KPNA4: variants seen among roughly 807,000 people sequenced by gnomAD.
The protein encoded by KPNA4 is importin subunit alpha-3.
Under a neutral mutation model 71.3 loss-of-function variants are expected in KPNA4, and 13 were observed. The ratio of observed to expected loss-of-function variants is 0.18; its 90% CI spans 0.12 to 0.29. KPNA4 has a LOEUF of 0.29. Ranked by LOEUF, KPNA4 falls within the 10% of genes least tolerant of loss-of-function variation. The probability of loss-of-function intolerance (pLI) is 1.00; values close to 1 mark genes in which losing one functional copy is unlikely to be tolerated. For missense variants in KPNA4, 334 were observed against 603.2 expected (o/e 0.55, Z 4.67); for synonymous variants, 189 against 195.2 (o/e 0.97, Z 0.26).
intron 1 of KPNA4, among the ~76,000 whole-genome samples, chr3:160,558,066 A>C (rs369077532): frequency 8.5e-5 from 13 of 152,238 alleles, no homozygotes; most frequent in South Asian, 4.1e-4. Flanking sequence ...CTGGGTACTA[A>C]ATAGTGTGAA....
rs186204746 is a variant in KPNA4, at chr3:160,514,834, C to T, written c.1032+618G>A. On this transcript the variant is annotated intron_variant, in intron 12 of 16. Coordinates refer to ENST00000334256, the MANE Select transcript of KPNA4 (RefSeq NM_002268.5). Reference sequence around the variant, plus strand: ...TTGACAAAATAATGGTGGCCTTACGCGTTATAATCATAGATAACTAATAAG... The same window carrying T: ...TTGACAAAATAATGGTGGCCTTACGTGTTATAATCATAGATAACTAATAAG... 3.3e-3 allele frequency: 1,377 copies of T among 422,742 alleles called. 4 individuals carry two copies. Among genetic ancestry groups the T allele is most frequent in the Middle Eastern group, 6.6e-3 (14 of 2,128 alleles). The allele number at this position is 422,742 out of a possible 1,614,324, so 26.2% of individuals were successfully genotyped here.
At chr3:160,526,188 T>A in intron 8 of KPNA4, 81 bp from the exon 9 acceptor site, 1 of 979,224 alleles carries the variant, frequency 1.0e-6, no homozygotes, top group Non-Finnish European at 1.4e-6. Flanking sequence ...ACTGGGAATA[T>A]GCTGCTTCAT....
intron 12 of KPNA4, chr3:160,515,101 GCA>G: frequency 1.9e-6 from 1 of 519,644 alleles, no homozygotes; most frequent in Non-Finnish European, 3.8e-6. Context: ...GCCACCACAA[GCA>G]CACACACATG....
rs71628425 is a variant in KPNA4 at position 160,535,900 on chromosome 3, TAAA to T, written c.115-6_115-4del. ...AAGAGATGTTCATCTCTTTTATTCT[TAAA>T]AAAAAAAAAAAAAAAAAAAAAACCA... On this transcript the variant is annotated splice_polypyrimidine_tract_variant and splice_region_variant and intron_variant, in intron 2 of 16. Coordinates refer to ENST00000334256, the MANE Select transcript of KPNA4 (RefSeq NM_002268.5). The T allele has an allele frequency of 1.0e-3, 327 of 324,782 alleles. No individual in the cohort carries two copies. Among genetic ancestry groups the T allele is most frequent in the East Asian group, 2.0e-3 (28 of 13,864 alleles). The allele number at this position is 324,782 out of a possible 1,614,324, so 20.1% of individuals were successfully genotyped here. A position where few individuals can be genotyped will look rare whatever the true frequency, so the allele number is the denominator to read the frequency against.
At chr3:160,550,293 G>A (rs985674994) in intron 1 of KPNA4, among the ~76,000 whole-genome samples, 2 of 152,184 alleles carry the variant, frequency 1.3e-5, no homozygotes, top group Non-Finnish European at 2.9e-5. Flanking sequence ...TTTTGAAAGA[G>A]TCTTATTCTG....
At chr3:160,504,891 T>C in intron 16 of KPNA4, 67 bp downstream of exon 16, 1 of 643,820 alleles carries the variant, frequency 1.6e-6, no homozygotes. Flanking sequence ...CAGCTTACTA[T>C]ATATATTACT....
At position 160,565,432 on chromosome 3, in the gene KPNA4, C is replaced by T; in HGVS notation, c.-150G>A. The T allele has an allele frequency of 3.1e-6, 2 of 637,586 alleles. No individual in the cohort carries two copies. The highest frequency in any genetic ancestry group is 1.9e-5 in the South Asian group (1 of 53,352). The allele number at this position is 637,586 out of a possible 1,614,324, so 39.5% of individuals were successfully genotyped here. A position where few individuals can be genotyped will look rare whatever the true frequency, so the allele number is the denominator to read the frequency against. ...CCTTCCTCCTCTCACCTGCCTCCGC[C>T]GCGGCCTTCTCCTCTCCCCGCCCGC... is the stretch of plus-strand genomic sequence containing the variant. On this transcript the variant is annotated 5_prime_UTR_variant, in exon 1 of 17. Coordinates refer to ENST00000334256, the MANE Select transcript of KPNA4 (RefSeq NM_002268.5).
chr3:160,520,250 T>C (rs1380818063), intron 11 of KPNA4, among the ~76,000 whole-genome samples: 1 of 150,476 alleles, frequency 6.6e-6, no homozygotes, highest in Non-Finnish European at 1.5e-5. Flanking sequence ...CAAATTATTG[T>C]TTTTTCTTTT....
chr3:160,565,160 A>C (rs1722320478), intron 1 of KPNA4, 54 bp downstream of exon 1: 3 of 1,449,810 alleles, frequency 2.1e-6, no homozygotes, highest in Non-Finnish European at 2.9e-6. Flanking sequence ...GTCCCGGCGG[A>C]GACCGGCCCC....
At chr3:160,519,436 G>A (rs1271883071) in intron 11 of KPNA4, among the ~76,000 whole-genome samples, 1 of 152,178 alleles carries the variant, frequency 6.6e-6, no homozygotes, top group East Asian at 1.9e-4. Flanking sequence ...ATAAAATCCA[G>A]ATACTGACTG....
intron 16 of KPNA4, 48 bp from the exon 17 acceptor site, chr3:160,502,250 A>G (rs1329311168): frequency 9.6e-7 from 1 of 1,044,456 alleles, no homozygotes; most frequent in East Asian, 2.7e-5. Context: ...TTTAAAATAT[A>G]TATAAACAGT....
intron 13 of KPNA4, among the ~76,000 whole-genome samples, chr3:160,512,308 A>T (rs556252697): frequency 1.3e-5 from 2 of 152,234 alleles, no homozygotes; most frequent in African/African-American, 2.4e-5. Flanking sequence ...ACAGGTCACC[A>T]ATTCTAAGAG....
intron 11 of KPNA4, 102 bp from the exon 12 acceptor site, chr3:160,515,682 T>A: frequency 7.7e-7 from 1 of 1,300,012 alleles, no homozygotes; most frequent in Non-Finnish European, 1.1e-6. Context: ...TGGTGCGATC[T>A]CAGCTCACTG....
At chr3:160,542,108 T>C (rs1043032791) in intron 1 of KPNA4, among the ~76,000 whole-genome samples, 2 of 152,138 alleles carry the variant, frequency 1.3e-5, no homozygotes, top group Non-Finnish European at 1.5e-5. Context: ...CTATGAAAGA[T>C]GGCATGTGTG....
intron 1 of KPNA4, among the ~76,000 whole-genome samples, chr3:160,544,404 A>G (rs1413958952): frequency 6.6e-6 from 1 of 152,212 alleles, no homozygotes; most frequent in Non-Finnish European, 1.5e-5. Context: ...CTACTCTAGT[A>G]AACAAACACA....
At chr3:160,507,873 C>G (rs1721018217) in intron 15 of KPNA4, among the ~76,000 whole-genome samples, 1 of 152,206 alleles carries the variant, frequency 6.6e-6, no homozygotes, top group Non-Finnish European at 1.5e-5. Flanking sequence ...TCTTGTTTAC[C>G]ACTGTCTTCC....
In KPNA4 at chr3:160,565,318, C is replaced by G; in HGVS notation, c.-36G>C. ...GTGACTCCTTCCCCCGCCCGGGCCC[C>G]GCGGGATCCGCCCCAACCAACGCGC... On this transcript the variant is annotated 5_prime_UTR_variant, in exon 1 of 17. Transcript: ENST00000334256. 1 of 1,532,460 alleles carries G rather than the reference C, an allele frequency of 6.5e-7. No homozygotes were observed. Among genetic ancestry groups the G allele is most frequent in the Non-Finnish European group, 8.9e-7 (1 of 1,127,452 alleles). 94.9% of individuals were successfully genotyped at this position (1,532,460 alleles called of 1,614,324 possible).
At chr3:160,530,189 C>T (rs1230224910) in intron 7 of KPNA4, among the ~76,000 whole-genome samples, 4 of 150,120 alleles carry the variant, frequency 2.7e-5, no homozygotes, top group East Asian at 2.0e-4. Flanking sequence ...GAGGCTGAGG[C>T]CCGGTGTGGT....
intron 5 of KPNA4, among the ~76,000 whole-genome samples, chr3:160,534,718 G>GAAAAAAAAAAAAAA (rs544384718): frequency 0.035 from 2,553 of 72,622 alleles, 297 homozygotes; most frequent in Middle Eastern, 0.054. Flanking sequence ...CTCCATCTCA[G>GAAAAAAAAAAAAAA]AAAAAAAAAA....
Sources: gnomAD v4.1 joint callset for allele counts (sites outside exome capture counted in the v4.1 genomes callset) on GRCh38, gnomAD v4.1.1 for gene constraint, MANE v1.5 for transcripts, NCBI Gene and HGNC (gene_info 2026-07-23, HGNC 2026-07-21) for gene names.